The following CFDP1 variants were observed in gnomAD, a reference collection of about 807,000 sequenced individuals.
CFDP1 encodes chromatin remodeling protein CFDP1.
CFDP1 carries 31 observed loss-of-function variants against 40.1 expected under a neutral mutation model. That is an observed-to-expected ratio of 0.77 (90% CI 0.58 to 1.04). CFDP1 has a LOEUF of 1.04. Among genes scored for constraint, CFDP1 ranks in the 50% least tolerant of loss-of-function variants. CFDP1 has a pLI of 0.00. For missense variants in CFDP1, 423 were observed against 343.4 expected (o/e 1.23, Z -1.83); for synonymous variants, 167 against 120.0 (o/e 1.39, Z -2.56).
intron 5 of CFDP1, among the ~76,000 whole-genome samples, chr16:75,340,369 T>A (rs895477433): frequency 2.6e-5 from 4 of 152,248 alleles, no homozygotes; most frequent in Non-Finnish European, 5.9e-5. Flanking sequence ...TTCTCTTCTC[T>A]AGTAAGCTAC....
In CFDP1 at chr16:75,374,033, A is replaced by G. The variant is rs186527363; in HGVS notation, c.650+21057T>C. Among the ~76,000 whole-genome samples, 8 of 152,204 alleles carry G rather than the reference A, an allele frequency of 5.3e-5. No individual in the cohort carries two copies. The East Asian group carries it at 1.4e-3, about 26-fold the overall frequency. On this transcript the variant is annotated intron_variant, in intron 5 of 6. Coordinates refer to ENST00000283882, the MANE Select transcript of CFDP1 (RefSeq NM_006324.3). Reference sequence around the variant, plus strand: ...TTTGGGAGGCCAAACCAGGTGGATCACCTGAGGTAAGGAGTTCAAGACAAG... The same window carrying G: ...TTTGGGAGGCCAAACCAGGTGGATCGCCTGAGGTAAGGAGTTCAAGACAAG...
Position 75,379,378 on chromosome 16 carries a change from T to C in CFDP1, c.650+15712A>G, listed in dbSNP as rs2078833710. On this transcript the variant is annotated intron_variant, in intron 5 of 6. Transcript: ENST00000283882. ...AGAGAGAAGGCACAAATTACCAATA[T>C]CGGAGGTAATGAAATGGGATATCAC... Among the ~76,000 whole-genome samples, 3 of 151,178 alleles carry C rather than the reference T, an allele frequency of 2.0e-5. No individual in the cohort carries two copies. In the South Asian group the frequency reaches 6.3e-4, roughly 32 times the overall value.
chr16:75,378,879 G>T (rs969966603), intron 5 of CFDP1, among the ~76,000 whole-genome samples: 5 of 152,088 alleles, frequency 3.3e-5, no homozygotes, highest in African/African-American at 9.7e-5. Flanking sequence ...ATTTAAAAGA[G>T]TTGAAATCAC....
At chr16:75,415,430 C>A (rs2079194930) in intron 1 of CFDP1, among the ~76,000 whole-genome samples, 1 of 152,188 alleles carries the variant, frequency 6.6e-6, no homozygotes, top group African/African-American at 2.4e-5. Context: ...TGGAATGACA[C>A]ACAGTGAACA....
At chr16:75,392,081 C>A (rs1053973498) in intron 5 of CFDP1, among the ~76,000 whole-genome samples, 2 of 152,062 alleles carry the variant, frequency 1.3e-5, no homozygotes, top group Admixed American at 6.5e-5. Flanking sequence ...CCTATAGCTT[C>A]AAATTTTAAA....
At chr16:75,316,163 C>T (rs2078322029) in intron 5 of CFDP1, among the ~76,000 whole-genome samples, 2 of 152,182 alleles carry the variant, frequency 1.3e-5, no homozygotes, top group South Asian at 4.1e-4. Flanking sequence ...ATCAGAGGCA[C>T]TAGTGTCAGG....
chr16:75,373,420 C>T (rs1324805430), intron 5 of CFDP1, among the ~76,000 whole-genome samples: 1 of 152,078 alleles, frequency 6.6e-6, no homozygotes, highest in African/African-American at 2.4e-5. Context: ...AAGAAAATAA[C>T]TGGAGGAGAG....
intron 5 of CFDP1, among the ~76,000 whole-genome samples, chr16:75,340,622 C>CTA (rs2078520307): frequency 1.3e-5 from 2 of 152,132 alleles, no homozygotes; most frequent in Admixed American, 1.3e-4. Flanking sequence ...ATAAGAGGAA[C>CTA]TATTTTTTGG....
intron 5 of CFDP1, among the ~76,000 whole-genome samples, chr16:75,341,478 G>C: frequency 6.6e-6 from 1 of 152,176 alleles, no homozygotes; most frequent in East Asian, 1.9e-4. Flanking sequence ...AGGCTGTCAA[G>C]AGAAGATTGG....
chr16:75,320,752 C>A (rs1275981463), intron 5 of CFDP1, among the ~76,000 whole-genome samples: 1 of 152,134 alleles, frequency 6.6e-6, no homozygotes, highest in African/African-American at 2.4e-5. Flanking sequence ...GAAAGGGGCT[C>A]AGAATATGGG....
At chr16:75,311,171 C>G (rs1424821640) in intron 5 of CFDP1, among the ~76,000 whole-genome samples, 1 of 152,112 alleles carries the variant, frequency 6.6e-6, no homozygotes, top group Non-Finnish European at 1.5e-5. Context: ...GAAACCTGCC[C>G]AAGTTTATAG....
At chr16:75,391,127 T>C (rs1454622431) in intron 5 of CFDP1, among the ~76,000 whole-genome samples, 1 of 152,236 alleles carries the variant, frequency 6.6e-6, no homozygotes, top group Non-Finnish European at 1.5e-5. Context: ...TTTAGTTATT[T>C]TCATAATTAT....
At chr16:75,409,789 G>A (rs774639392) in intron 4 of CFDP1, among the ~76,000 whole-genome samples, 1 of 152,162 alleles carries the variant, frequency 6.6e-6, no homozygotes, top group Admixed American at 6.5e-5. Context: ...ACATTAACCA[G>A]TGGTGAATCT....
intron 1 of CFDP1, among the ~76,000 whole-genome samples, chr16:75,427,307 G>A (rs1335729177): frequency 1.3e-5 from 2 of 151,770 alleles, no homozygotes; most frequent in Admixed American, 6.6e-5. Context: ...CTGGAGTGCA[G>A]TGGCACAATT....
At chr16:75,340,619 G>A (rs913318026) in intron 5 of CFDP1, among the ~76,000 whole-genome samples, 6 of 152,248 alleles carry the variant, frequency 3.9e-5, no homozygotes, top group Non-Finnish European at 7.4e-5. Flanking sequence ...GCAATAAGAG[G>A]AACTATTTTT....
chr16:75,362,077 C>T (rs552839807), intron 5 of CFDP1, among the ~76,000 whole-genome samples: 47 of 152,112 alleles, frequency 3.1e-4, no homozygotes, highest in Non-Finnish European at 2.9e-4. Context: ...TTGCCGCAAT[C>T]GAATGCTTGC....
At chr16:75,332,541 T>C (rs1348676614) in intron 5 of CFDP1, among the ~76,000 whole-genome samples, 2 of 151,218 alleles carry the variant, frequency 1.3e-5, no homozygotes, top group East Asian at 3.9e-4. Context: ...GTGGTGCTTG[T>C]TTGTGGTCCC....
intron 5 of CFDP1, among the ~76,000 whole-genome samples, chr16:75,368,919 T>C (rs1181068969): frequency 6.6e-6 from 1 of 152,176 alleles, no homozygotes; most frequent in Non-Finnish European, 1.5e-5. Context: ...CACATTTTCA[T>C]TGTGGGTATC....
intron 5 of CFDP1, among the ~76,000 whole-genome samples, chr16:75,343,838 A>T (rs2151521629): frequency 6.6e-6 from 1 of 152,334 alleles, no homozygotes; most frequent in South Asian, 2.1e-4. Flanking sequence ...AAAGGAAATA[A>T]TTCTGTAGAT....
Sources: gnomAD v4.1 joint callset for allele counts (sites outside exome capture counted in the v4.1 genomes callset) on GRCh38, gnomAD v4.1.1 for gene constraint, MANE v1.5 for transcripts, NCBI Gene and HGNC (gene_info 2026-07-23, HGNC 2026-07-21) for gene names.